CNKSR3: variants seen among roughly 807,000 people sequenced by gnomAD.
The protein encoded by CNKSR3 is CNKSR family member 3, also known as connector enhancer of kinase suppressor of ras 3.
Under a neutral mutation model 67.7 loss-of-function variants are expected in CNKSR3, and 36 were observed. The observed-to-expected ratio is 0.53, with a 90% CI of 0.41 to 0.70. CNKSR3 has a LOEUF of 0.70. CNKSR3 is among the 30% of genes least tolerant of loss of function. The pLI is 0.00. For missense variants in CNKSR3, 630 were observed against 695.2 expected, an observed-to-expected ratio of 0.91 and a Z score of 1.05; for synonymous variants, 281 against 271.4, an observed-to-expected ratio of 1.04 and a Z score of -0.35.
At chr6:154,498,660 C>T (rs908940898) in intron 1 of CNKSR3, among the ~76,000 whole-genome samples, 1 of 152,204 alleles carries the variant, frequency 6.6e-6, no homozygotes, top group African/African-American at 2.4e-5. Context: ...CAGGGCCATT[C>T]CTGGTCTTTG....
In CNKSR3 at chr6:154,389,108, C is replaced by G. The variant is rs573695946; in HGVS notation, c.*17246G>C. 1 of 152,158 alleles carries G rather than the reference C, an allele frequency of 6.6e-6. No individual in the cohort carries two copies. The highest frequency in any genetic ancestry group is 2.4e-5 in the African/African-American group (1 of 41,522). 9.4% of individuals were successfully genotyped at this position (152,158 alleles called of 1,614,324 possible). ...AGCTTTGTGATTTGATGTAACTTTG[C>G]TTATTTTTGTTTTTGTTGCCTGTGT... On this transcript the variant is annotated 3_prime_UTR_variant, in exon 13 of 13. Transcript: ENST00000607772.
intron 1 of CNKSR3, among the ~76,000 whole-genome samples, chr6:154,472,397 G>A (rs182309435): frequency 2.6e-4 from 40 of 152,264 alleles, no homozygotes; most frequent in Admixed American, 2.2e-3. Context: ...AAATCTGAAG[G>A]TACTCCACTG....
rs576247739 is a variant in CNKSR3, at chr6:154,492,380, A to G, written c.52+17683T>C. Among the ~76,000 whole-genome samples, 12 of 152,294 alleles carry G rather than the reference A, an allele frequency of 7.9e-5. 1 individual carries two copies. In the South Asian group the frequency reaches 2.1e-3, roughly 26 times the overall value. On this transcript the variant is annotated intron_variant, in intron 1 of 12. Coordinates refer to ENST00000607772, the MANE Select transcript of CNKSR3 (RefSeq NM_173515.4). Reference sequence around the variant, plus strand: ...TAATACCATCTGCACCCCAATGGCCAGCAAATTTGTCTCCAGTATCAACCT... The same window carrying G: ...TAATACCATCTGCACCCCAATGGCCGGCAAATTTGTCTCCAGTATCAACCT...
At chr6:154,484,765 C>A (rs1469999075) in intron 1 of CNKSR3, among the ~76,000 whole-genome samples, 11 of 151,806 alleles carry the variant, frequency 7.2e-5, no homozygotes, top group African/African-American at 2.7e-4. Flanking sequence ...TATCCCCTTC[C>A]CCCTCCCCCA....
intron 1 of CNKSR3, among the ~76,000 whole-genome samples, chr6:154,463,065 G>A (rs1786115317): frequency 1.3e-5 from 2 of 151,904 alleles, no homozygotes; most frequent in South Asian, 4.2e-4. Context: ...ATTCTTTCCG[G>A]TGAACCTGTC....
intron 12 of CNKSR3, among the ~76,000 whole-genome samples, chr6:154,409,881 C>CTAAA (rs1784872501): frequency 1.4e-4 from 18 of 126,612 alleles, no homozygotes; most frequent in African/African-American, 5.1e-4. Flanking sequence ...CTGTCTCTAC[C>CTAAA]AAAAAAAAAA....
Position 154,402,240 on chromosome 6 carries a change from G to C in CNKSR3, c.*4114C>G, listed in dbSNP as rs559563099. On this transcript the variant is annotated 3_prime_UTR_variant, in exon 13 of 13. Coordinates refer to ENST00000607772, the MANE Select transcript of CNKSR3 (RefSeq NM_173515.4). ...TGAGATTTAACCTGTTGGAGCATGC[G>C]TGATACACAAGCCCTGCAGCTTACA... 1 of 152,310 alleles carries C rather than the reference G, an allele frequency of 6.6e-6. No individual in the cohort carries two copies. The highest frequency in any genetic ancestry group is 2.1e-4 in the South Asian group (1 of 4,816). 9.4% of individuals were successfully genotyped at this position (152,310 alleles called of 1,614,324 possible).
intron 12 of CNKSR3, 71 bp downstream of exon 12, chr6:154,410,270 CAG>C: frequency 9.9e-7 from 1 of 1,012,920 alleles, no homozygotes; most frequent in Admixed American, 1.9e-5. Flanking sequence ...CATTTAGAAA[CAG>C]AGGTGAAACC....
rs949431415 is a variant in CNKSR3, at chr6:154,441,401, C to T, written c.420-22G>A. ...AGCCCTAGAAGGTAGCAACAATCCT[C>T]TTAAAAAGGGGTAGGGAGAATCCAC... On this transcript the variant is annotated intron_variant, in intron 3 of 12. Transcript: ENST00000607772. 4.4e-6 allele frequency: 7 copies of T among 1,579,748 alleles called. No individual in the cohort carries two copies. The Admixed American group carries it at 8.4e-5, about 19-fold the overall frequency.
chr6:154,407,189 G>A (rs1033502709), intron 12 of CNKSR3, among the ~76,000 whole-genome samples: 1 of 152,138 alleles, frequency 6.6e-6, no homozygotes, highest in South Asian at 2.1e-4. Flanking sequence ...GGTAGCACAC[G>A]GGTCTCCTTT....
intron 7 of CNKSR3, among the ~76,000 whole-genome samples, chr6:154,426,129 T>C (rs1785249876): frequency 6.6e-6 from 1 of 152,170 alleles, no homozygotes; most frequent in African/African-American, 2.4e-5. Context: ...GATTACCAGA[T>C]GGAAGAAGAC....
chr6:154,500,232 A>G (rs1786968987), intron 1 of CNKSR3, among the ~76,000 whole-genome samples: 1 of 150,902 alleles, frequency 6.6e-6, no homozygotes. Flanking sequence ...TTGTTCAATT[A>G]ATGCATATGT....
chr6:154,470,063 A>G (rs571487944), intron 1 of CNKSR3, among the ~76,000 whole-genome samples: 2 of 151,920 alleles, frequency 1.3e-5, no homozygotes, highest in East Asian at 3.9e-4. Context: ...TCAAACCTAC[A>G]TTGTTCAAGG....
chr6:154,463,954 T>G (rs777343661), intron 1 of CNKSR3, among the ~76,000 whole-genome samples: 6 of 152,158 alleles, frequency 3.9e-5, no homozygotes, highest in Admixed American at 6.5e-5. Context: ...AAACCCCCGA[T>G]AGCAGAAAGT....
At chr6:154,440,819 C>T (rs1044253099) in intron 4 of CNKSR3, among the ~76,000 whole-genome samples, 5 of 152,136 alleles carry the variant, frequency 3.3e-5, no homozygotes, top group Admixed American at 6.5e-5. Flanking sequence ...AAGGAATAAA[C>T]TGCTAAGGTT....
Position 154,387,612 on chromosome 6 carries a change from A to G in CNKSR3, c.*18742T>C, listed in dbSNP as rs890918899. On this transcript the variant is annotated 3_prime_UTR_variant, in exon 13 of 13. Coordinates refer to ENST00000607772, the MANE Select transcript of CNKSR3 (RefSeq NM_173515.4). ...GTTTATCTAGTTCATGGTCCATGAT[A>G]ACCACAGATTGCTGCATTTGTAGCC... The G allele has an allele frequency of 3.3e-5, 5 of 152,242 alleles. No individual in the cohort carries two copies. The highest frequency in any genetic ancestry group is 1.2e-4 in the African/African-American group (5 of 41,458). The allele number at this position is 152,242 out of a possible 1,614,324, so 9.4% of individuals were successfully genotyped here.
At position 154,436,935 on chromosome 6, in the gene CNKSR3, A is replaced by C. The variant is rs115988811; in HGVS notation, c.508-3428T>G. Among the ~76,000 whole-genome samples the C allele has an allele frequency of 3.9e-3, 596 of 152,336 alleles. 3 individuals are homozygous for C. The highest frequency in any genetic ancestry group is 0.013 in the African/African-American group (555 of 41,576). ...GTGCAGTTTCCTTGCAGGAGAAAAG[A>C]AGCAGCAATATGTATCCTTCAAATT... On this transcript the variant is annotated intron_variant, in intron 4 of 12. Transcript: ENST00000607772.
In CNKSR3 at chr6:154,390,029, ACAT is replaced by A. The variant is rs1332548392; in HGVS notation, c.*16322_*16324del. On this transcript the variant is annotated 3_prime_UTR_variant, in exon 13 of 13. Coordinates refer to ENST00000607772, the MANE Select transcript of CNKSR3 (RefSeq NM_173515.4). ...TTAATCATAATCTTTGATTCATTAT[ACAT>A]CATCATCAGTCCACACATATCCCTC... 6 of 152,222 alleles carry A rather than the reference ACAT, an allele frequency of 3.9e-5. No homozygotes were observed. The highest frequency in any genetic ancestry group is 1.4e-4 in the African/African-American group (6 of 41,464). The allele number at this position is 152,222 out of a possible 1,614,324, so 9.4% of individuals were successfully genotyped here.
At chr6:154,473,337 T>C (rs780756652) in intron 1 of CNKSR3, among the ~76,000 whole-genome samples, 10 of 152,202 alleles carry the variant, frequency 6.6e-5, no homozygotes, top group East Asian at 1.9e-4. Flanking sequence ...GACTAAAGCA[T>C]TGACTCGCAA....
Sources: gnomAD v4.1 joint callset for allele counts (sites outside exome capture counted in the v4.1 genomes callset) on GRCh38, gnomAD v4.1.1 for gene constraint, MANE v1.5 for transcripts, NCBI Gene and HGNC (gene_info 2026-07-23, HGNC 2026-07-21) for gene names.